The following HYAL1 variants were observed in gnomAD, a reference collection of about 807,000 sequenced individuals.
HYAL1 encodes hyaluronidase-1.
HYAL1 carries 21 observed loss-of-function variants against 28.8 expected under a neutral mutation model. That is an observed-to-expected ratio of 0.73 (90% CI 0.52 to 1.05). The LOEUF (loss-of-function observed/expected upper bound fraction) is 1.05, where lower values mean the gene tolerates loss of function less well. HYAL1 is among the 50% of genes least tolerant of loss of function. HYAL1 has a pLI of 0.00. For synonymous variants in HYAL1, 200 were observed against 230.1 expected (o/e 0.87, Z 1.18); for missense variants, 491 against 579.2 (o/e 0.85, Z 1.56).
chr3:50,300,390 A>G lies in HYAL1; in HGVS notation c.*93T>C. 3 of 1,269,010 alleles carry G rather than the reference A, an allele frequency of 2.4e-6. No individual in the cohort carries two copies. The highest frequency in any genetic ancestry group is 2.3e-6 in the Non-Finnish European group (2 of 869,426). 78.6% of individuals were successfully genotyped at this position (1,269,010 alleles called of 1,614,324 possible). ...GCTGAGTGTACTCTTTACTGTGACCATGACTTGTATGACTGTGCATGTATT... is the reference window on the plus strand; with the variant it reads ...GCTGAGTGTACTCTTTACTGTGACCGTGACTTGTATGACTGTGCATGTATT... On this transcript the variant is annotated 3_prime_UTR_variant, in exon 4 of 4. Coordinates refer to ENST00000395144, the MANE Select transcript of HYAL1 (RefSeq NM_033159.4).
chr3:50,311,134 T>C (rs1214954130), intron 1 of HYAL1, among the ~76,000 whole-genome samples: 1 of 150,578 alleles, frequency 6.6e-6, no homozygotes, highest in Non-Finnish European at 1.5e-5. Context: ...CCAGACGGGG[T>C]GGTGGCCGGG....
intron 1 of HYAL1, among the ~76,000 whole-genome samples, chr3:50,311,894 G>A (rs1702471400): frequency 6.8e-6 from 1 of 146,462 alleles, no homozygotes; most frequent in African/African-American, 2.6e-5. Context: ...CGGGCGGGGG[G>A]CTGATCCCCC....
intron 1 of HYAL1, among the ~76,000 whole-genome samples, chr3:50,310,581 CTTTTTTTTTTCTTT>C (rs140474054): frequency 0.032 from 4,444 of 139,768 alleles, 254 homozygotes; most frequent in African/African-American, 0.11. Context: ...GGTTTCTTTT[CTTTTTTTTTTCTTT>C]TTTTTTTTTA....
chr3:50,302,189 C>A lies in HYAL1; in HGVS notation c.768G>T (p.Gly256=). ...GGTGTTGCACATACATCTGTGACTT[C>A]CCTGTGCCCTCCAGCACTGCGGGCA... ...IYMPAVLEGT[G]KSQMYVQHRV... The change falls in exon 2 of 4, where the codon GGG becomes GGT. Residue 256 remains glycine (G), a synonymous_variant. Transcript: ENST00000395144. This position sits in a 1 kb window ranked among gnomAD's most constrained non-coding sequence, Gnocchi z 5.0. 1 of 1,614,200 alleles carries A rather than the reference C, an allele frequency of 6.2e-7. No individual in the cohort carries two copies. Among genetic ancestry groups the A allele is most frequent in the Non-Finnish European group, 8.5e-7 (1 of 1,180,036 alleles).
At chr3:50,309,125 G>C (rs1171360555) in intron 2 of HYAL1, among the ~76,000 whole-genome samples, 1 of 151,004 alleles carries the variant, frequency 6.6e-6, no homozygotes, top group Non-Finnish European at 1.5e-5. Flanking sequence ...CTATTTGTGA[G>C]TATTCTTAAC....
chr3:50,302,952 G>A lies in HYAL1; in HGVS notation c.5C>T (p.Ala2Val), dbSNP rs782735542. The A allele has an allele frequency of 1.0e-5, 16 of 1,566,118 alleles. No individual in the cohort carries two copies. The highest frequency in any genetic ancestry group is 1.3e-5 in the Non-Finnish European group (15 of 1,153,136). The change falls in exon 2 of 4, where the codon GCA becomes GTA. Residue 2 changes from alanine to valine, a missense_variant. Physicochemically the swap from Ala to Val is moderately conservative, Grantham distance 64. Coordinates refer to ENST00000395144, the MANE Select transcript of HYAL1 (RefSeq NM_033159.4). The surrounding 1 kb of genome is among the most constrained non-coding windows in gnomAD (Gnocchi z 5.0). ...GGCGCAGATGGGAAGCAGGTGGGCT[G>A]CCATGGCACGGGACTGGTCGAGGAC... M[A>V]AHLLPICALF...
Position 50,302,636 on chromosome 3 carries a change from G to A in HYAL1, c.321C>T (p.Ala107=). The change falls in exon 2 of 4, where the codon GCC becomes GCT. Residue 107 remains alanine (A), a synonymous_variant. Coordinates refer to ENST00000395144, the MANE Select transcript of HYAL1 (RefSeq NM_033159.4). The surrounding 1 kb of genome is among the most constrained non-coding windows in gnomAD (Gnocchi z 5.0). The stretch of plus-strand genomic sequence containing the variant: ...CAGCCAGGATGTCCTGGAATGTGCG[G>A]GCCAGGTGGGCAATCAGGCTGGCAT... ...PQNASLIAHL[A]RTFQDILAAI... is the part of the protein sequence containing the mutation. 1.6e-5 allele frequency: 26 copies of A among 1,614,172 alleles called. No individual in the cohort carries two copies. The highest frequency in any genetic ancestry group is 2.1e-5 in the Non-Finnish European group (25 of 1,180,042).
intron 2 of HYAL1, among the ~76,000 whole-genome samples, chr3:50,301,420 A>G (rs1392172842): frequency 6.6e-6 from 1 of 151,348 alleles, no homozygotes; most frequent in Admixed American, 6.6e-5. Flanking sequence ...GTTCGAGACC[A>G]GCCTGGCCAA....
intron 1 of HYAL1, among the ~76,000 whole-genome samples, chr3:50,311,011 G>A (rs1472518720): frequency 7.9e-5 from 12 of 152,160 alleles, no homozygotes; most frequent in African/African-American, 2.9e-4. Flanking sequence ...TTTCTACACA[G>A]ACATGGCAAC....
upstream of HYAL1, among the ~76,000 whole-genome samples, chr3:50,308,213 G>A (rs1702376114): frequency 1.3e-5 from 2 of 151,146 alleles, no homozygotes; most frequent in Admixed American, 6.6e-5. Flanking sequence ...TGCAACCTCT[G>A]CCTCCTGGGT....
intron 1 of HYAL1, 35 bp from the exon 2 acceptor site, chr3:50,303,015 A>G: frequency 3.4e-6 from 5 of 1,477,136 alleles, no homozygotes; most frequent in Non-Finnish European, 4.5e-6. Context: ...AACAGGTTGC[A>G]AAGTCTCCGA....
In HYAL1 at chr3:50,300,677, G is replaced by A. The variant is rs200825196; in HGVS notation, c.1114C>T (p.Arg372Cys). 33 of 1,613,754 alleles carry A rather than the reference G, an allele frequency of 2.0e-5. No individual in the cohort carries two copies. The highest frequency in any genetic ancestry group is 1.2e-4 in the Admixed American group (7 of 59,932). The change falls in exon 4 of 4, where the codon CGC becomes TGC. Residue 372 changes from arginine (R) to cysteine (C), a missense_variant. By Grantham distance (180) the Arg-to-Cys change is radical. Coordinates refer to ENST00000395144, the MANE Select transcript of HYAL1 (RefSeq NM_033159.4). ...LCSGHGRCVR[R>C]TSHPKALLLL... ...AGGAGGGCTTTGGGGTGGCTGGTGC[G>A]GCGGACACAGCGGCCATGGCCGGAG... is the stretch of plus-strand genomic sequence containing the variant.
chr3:50,300,360 C>G lies in HYAL1; in HGVS notation c.*123G>C. The G allele has an allele frequency of 1.0e-6, 1 of 953,224 alleles. No homozygotes were observed. Among genetic ancestry groups the G allele is most frequent in the Non-Finnish European group, 1.7e-6 (1 of 594,528 alleles). 59.0% of individuals were successfully genotyped at this position (953,224 alleles called of 1,614,324 possible). A position where few individuals can be genotyped will look rare whatever the true frequency, so the allele number is the denominator to read the frequency against. On this transcript the variant is annotated 3_prime_UTR_variant, in exon 4 of 4. Transcript: ENST00000395144. The stretch of plus-strand genomic sequence containing the variant: ...GTGTGTGCAGGGAATATGCCTGTGA[C>G]AGTGGCTGAGTGTACTCTTTACTGT...
At chr3:50,303,115 C>T (rs1426582629) in intron 1 of HYAL1, 135 bp from the exon 2 acceptor site, 1 of 704,830 alleles carries the variant, frequency 1.4e-6, no homozygotes, top group Non-Finnish European at 2.3e-6. Flanking sequence ...CTGCAGGGCT[C>T]CAGGAGGGCA....
intron 3 of HYAL1, 61 bp from the exon 4 acceptor site, chr3:50,300,861 C>T: frequency 6.4e-7 from 1 of 1,564,948 alleles, no homozygotes; most frequent in Admixed American, 1.8e-5. Context: ...CCACCCAGGG[C>T]ACTGAGGCAC....
upstream of HYAL1, among the ~76,000 whole-genome samples, chr3:50,307,786 A>T (rs1166393979): frequency 6.7e-6 from 1 of 150,268 alleles, no homozygotes; most frequent in Non-Finnish European, 1.5e-5. Flanking sequence ...TAAGTCACAA[A>T]AAACCCAAAA....
intron 1 of HYAL1, 187 bp from the exon 2 acceptor site, chr3:50,303,167 TCCGA>T (rs1301491697): frequency 2.1e-5 from 11 of 532,344 alleles, no homozygotes; most frequent in Non-Finnish European, 3.0e-5. Context: ...GGAGGGCACA[TCCGA>T]GTTGCCTCTC....
intron 1 of HYAL1, among the ~76,000 whole-genome samples, chr3:50,310,080 G>A (rs1702415814): frequency 6.6e-6 from 1 of 151,304 alleles, no homozygotes; most frequent in South Asian, 2.1e-4. Context: ...GTTTCAAAAC[G>A]AATGTTCACC....
At position 50,311,899 on chromosome 3, in the gene HYAL1, T is replaced by TCC. The variant is rs1159367203; in HGVS notation, c.-310+363_-310+364dup. On this transcript the variant is annotated intron_variant, in intron 1 of 5. Transcript: ENST00000320295. ...GGCGGCTGGCCGGGCGGGGGGCTGATCCCCCCTCCCCTCACGGATGGGGTG... is the reference window on the plus strand; with the variant it reads ...GGCGGCTGGCCGGGCGGGGGGCTGATCCCCCCCCTCCCCTCACGGATGGGGTG... 6.4e-3 allele frequency among the ~76,000 whole-genome samples: 279 copies of TCC among 43,536 alleles called. 15 individuals are homozygous for TCC. The highest frequency in any genetic ancestry group is 0.027 in the African/African-American group (252 of 9,314). The allele number at this position is 43,536 out of a possible 152,430, so 28.6% of individuals were successfully genotyped here.
Sources: allele counts gnomAD v4.1 joint callset (sites outside exome capture counted in the v4.1 genomes callset), GRCh38; gene constraint gnomAD v4.1.1; non-coding constraint Gnocchi (gnomAD v3.1); transcripts MANE v1.5; gene names NCBI Gene and HGNC (gene_info 2026-07-23, HGNC 2026-07-21).